The following GRM5 variants were observed in gnomAD, a reference collection of about 807,000 sequenced individuals.
The protein encoded by GRM5 is metabotropic glutamate receptor 5.
GRM5 carries 19 observed loss-of-function variants against 83.1 expected under a neutral mutation model. The ratio of observed to expected loss-of-function variants is 0.23; its 90% CI spans 0.16 to 0.34. GRM5 has a LOEUF of 0.34. GRM5 is among the 10% of genes least tolerant of loss of function. The pLI is 1.00. For synonymous variants in GRM5, 675 were observed against 633.6 expected, an observed-to-expected ratio of 1.07 and a Z score of -0.98; for missense variants, 1,160 against 1,588.3, an observed-to-expected ratio of 0.73 and a Z score of 4.58.
At chr11:88,730,846 C>T (rs1327521853) in intron 3 of GRM5, among the ~76,000 whole-genome samples, 1 of 152,036 alleles carries the variant, frequency 6.6e-6, no homozygotes, top group African/African-American at 2.4e-5. Context: ...GGGAGGGGAA[C>T]ACCATACACT....
chr11:88,772,755 C>T (rs1378839283), intron 3 of GRM5, among the ~76,000 whole-genome samples: 2 of 152,166 alleles, frequency 1.3e-5, no homozygotes, highest in Non-Finnish European at 2.9e-5. Context: ...CAGCTTCATC[C>T]ATGTCCCTAC....
intron 3 of GRM5, among the ~76,000 whole-genome samples, chr11:88,747,801 G>T (rs11021155): frequency 0.064 from 9,142 of 141,816 alleles, 459 homozygotes; most frequent in Admixed American, 0.17. Context: ...ACCACCTTCT[G>T]CTTAGAAACT....
chr11:89,010,297 A>G (rs989191689), intron 2 of GRM5, among the ~76,000 whole-genome samples: 4 of 152,162 alleles, frequency 2.6e-5, no homozygotes, highest in Non-Finnish European at 4.4e-5. Flanking sequence ...TCCAAAGTCT[A>G]AGATTTTATC....
At chr11:88,654,977 A>AG (rs1939730827) in intron 3 of GRM5, among the ~76,000 whole-genome samples, 1 of 152,084 alleles carries the variant, frequency 6.6e-6, no homozygotes. Flanking sequence ...AGATATCATA[A>AG]GGGCTTGAGA....
chr11:88,932,372 A>T (rs1282547162), intron 2 of GRM5, among the ~76,000 whole-genome samples: 3 of 152,016 alleles, frequency 2.0e-5, no homozygotes, highest in African/African-American at 7.2e-5. Context: ...TGGCTAAAAA[A>T]GTTATAATCA....
intron 3 of GRM5, among the ~76,000 whole-genome samples, chr11:88,794,150 C>T (rs1565233802): frequency 6.6e-6 from 1 of 152,084 alleles, no homozygotes; most frequent in Non-Finnish European, 1.5e-5. Flanking sequence ...CTTAATATAC[C>T]TGGAACATGC....
At chr11:88,934,496 T>A (rs1937826660) in intron 2 of GRM5, among the ~76,000 whole-genome samples, 1 of 151,694 alleles carries the variant, frequency 6.6e-6, no homozygotes, top group East Asian at 1.9e-4. Flanking sequence ...AAATAAAAAA[T>A]TTGAATAATT....
chr11:88,940,319 T>TC (rs1938046925), intron 2 of GRM5, among the ~76,000 whole-genome samples: 1 of 151,542 alleles, frequency 6.6e-6, no homozygotes, highest in Non-Finnish European at 1.5e-5. Flanking sequence ...TTCATGGTTT[T>TC]TTTTTTTTTT....
chr11:89,036,190 C>A (rs1270030990), intron 2 of GRM5, among the ~76,000 whole-genome samples: 6 of 152,066 alleles, frequency 3.9e-5, no homozygotes, highest in Non-Finnish European at 7.4e-5. Flanking sequence ...CCTTGCTCAT[C>A]TTACCACAGC....
In GRM5 at chr11:88,567,733, G is replaced by A; in HGVS notation, c.1950C>T (p.Gly650=). ...AGCTCATGGCTGGGGAGAGACCAAT[G>A]CCAATTCTCTGAAGGTAGCAGTAAA... ...KQIYCYLQRI[G]IGLSPAMSYS... The change falls in exon 8 of 10, where the codon GGC becomes GGT. Residue 650 remains glycine, a synonymous_variant. Transcript: ENST00000305447. The surrounding 1 kb of genome is among the most constrained non-coding windows in gnomAD (Gnocchi z 7.3). The A allele has an allele frequency of 6.2e-7, 1 of 1,614,028 alleles. No homozygotes were observed. The highest frequency in any genetic ancestry group is 8.5e-7 in the Non-Finnish European group (1 of 1,179,946).
chr11:88,926,730 C>G (rs2135639140), intron 2 of GRM5, among the ~76,000 whole-genome samples: 1 of 152,182 alleles, frequency 6.6e-6, no homozygotes, highest in South Asian at 2.1e-4. Context: ...ATAGAGAAAT[C>G]TATTTCTTAA....
At chr11:88,980,304 T>G (rs1356270814) in intron 2 of GRM5, among the ~76,000 whole-genome samples, 3 of 152,140 alleles carry the variant, frequency 2.0e-5, no homozygotes, top group African/African-American at 4.8e-5. Flanking sequence ...AAAAAATAAA[T>G]TATATCTAGG....
At chr11:89,044,096 G>A (rs996168921) in intron 2 of GRM5, among the ~76,000 whole-genome samples, 2 of 152,122 alleles carry the variant, frequency 1.3e-5, no homozygotes, top group African/African-American at 2.4e-5. Context: ...CTGTGTCATC[G>A]TGGGCACATG....
intron 7 of GRM5, among the ~76,000 whole-genome samples, chr11:88,582,251 C>T (rs2135195028): frequency 6.6e-6 from 1 of 152,300 alleles, no homozygotes; most frequent in South Asian, 2.1e-4. Flanking sequence ...CTATGTTTGG[C>T]ACTAGTTGGA....
At chr11:88,979,213 GA>G (rs781328469) in intron 2 of GRM5, among the ~76,000 whole-genome samples, 6 of 152,156 alleles carry the variant, frequency 3.9e-5, no homozygotes, top group Non-Finnish European at 8.8e-5. Flanking sequence ...TTTATCCTGA[GA>G]AAAACCAGTC....
At chr11:88,918,745 CAAG>C (rs1216777580) in intron 2 of GRM5, among the ~76,000 whole-genome samples, 2 of 92,400 alleles carry the variant, frequency 2.2e-5, no homozygotes, top group African/African-American at 6.7e-5. Flanking sequence ...AGTTAAAGAG[CAAG>C]AAGTATGAAG....
intron 2 of GRM5, among the ~76,000 whole-genome samples, chr11:89,003,127 A>G (rs1940434081): frequency 6.6e-6 from 1 of 152,158 alleles, no homozygotes; most frequent in Non-Finnish European, 1.5e-5. Context: ...CTTTCTACAA[A>G]CACTTGCTTA....
chr11:88,882,547 C>T (rs1263960159), intron 2 of GRM5, among the ~76,000 whole-genome samples: 16 of 145,688 alleles, frequency 1.1e-4, no homozygotes, highest in Admixed American at 1.4e-4. Flanking sequence ...GGCAAAAGAG[C>T]GAGACTCTGT....
chr11:88,895,305 C>A (rs1430073845), intron 2 of GRM5, among the ~76,000 whole-genome samples: 2 of 151,826 alleles, frequency 1.3e-5, no homozygotes, highest in East Asian at 3.9e-4. Context: ...TGGAGGTAAC[C>A]CTACATCCTA....
Sources: allele counts gnomAD v4.1 joint callset (sites outside exome capture counted in the v4.1 genomes callset), GRCh38; gene constraint gnomAD v4.1.1; non-coding constraint Gnocchi (gnomAD v3.1); transcripts MANE v1.5; gene names NCBI Gene and HGNC (gene_info 2026-07-23, HGNC 2026-07-21).